The following ELAVL2 variants were observed in gnomAD, a reference collection of about 807,000 sequenced individuals.
The protein encoded by ELAVL2 is ELAV like RNA binding protein 2.
In ELAVL2, 4 loss-of-function variants were observed where a neutral mutation model predicts 34.6. The ratio of observed to expected loss-of-function variants is 0.12; its 90% confidence interval spans 0.06 to 0.26. ELAVL2 has a LOEUF of 0.26. ELAVL2 is among the 10% of genes least tolerant of loss of function. The pLI, the probability that ELAVL2 is intolerant of heterozygous loss-of-function variation, is 1.00. For missense variants in ELAVL2, 432 were observed against 442.8 expected, an observed-to-expected ratio of 0.98 and a Z score of 0.22; for synonymous variants, 193 against 154.8, an observed-to-expected ratio of 1.25 and a Z score of -1.83.
the ELAVL2 span, among the ~76,000 whole-genome samples, chr9:23,844,155 C>T: frequency 2.0e-5 from 3 of 152,030 alleles, no homozygotes; most frequent in African/African-American, 4.8e-5. Context: ...GGCATATTAG[C>T]GATAGCTTCC....
chr9:23,703,501 A>G (rs2038195199), intron 4 of ELAVL2, among the ~76,000 whole-genome samples: 2 of 152,272 alleles, frequency 1.3e-5, no homozygotes, highest in African/African-American at 2.4e-5. Context: ...TCTGTAGGCT[A>G]TTCTCCCAGG....
At chr9:23,791,670 C>T (rs1421348908) in intron 1 of ELAVL2, among the ~76,000 whole-genome samples, 1 of 152,110 alleles carries the variant, frequency 6.6e-6, no homozygotes, top group South Asian at 2.1e-4. Context: ...GGAAGAGACA[C>T]CAATGATTTC....
At chr9:23,773,837 T>C (rs1451080987) in intron 1 of ELAVL2, among the ~76,000 whole-genome samples, 1 of 152,102 alleles carries the variant, frequency 6.6e-6, no homozygotes, top group African/African-American at 2.4e-5. Context: ...CTTTACAAAC[T>C]CTAAGGTGCC....
At chr9:23,753,244 T>G (rs907303816) in intron 2 of ELAVL2, among the ~76,000 whole-genome samples, 1 of 152,172 alleles carries the variant, frequency 6.6e-6, no homozygotes. Context: ...CAACGTTCAG[T>G]AGCAGCAGTG....
At chr9:23,737,016 C>A (rs1473698583) in intron 2 of ELAVL2, among the ~76,000 whole-genome samples, 1 of 152,164 alleles carries the variant, frequency 6.6e-6, no homozygotes, top group Admixed American at 6.5e-5. Context: ...CTTGCCCCAT[C>A]CCCAGTGCAC....
chr9:23,779,185 T>C, intron 1 of ELAVL2: 1 of 985,090 alleles, frequency 1.0e-6, no homozygotes, highest in South Asian at 4.7e-5. Flanking sequence ...ATTTTGGAGG[T>C]AAAACAGGAG....
intron 1 of ELAVL2, among the ~76,000 whole-genome samples, chr9:23,763,858 G>A (rs2055616372): frequency 1.3e-5 from 2 of 152,236 alleles, no homozygotes; most frequent in African/African-American, 2.4e-5. Flanking sequence ...TGTCAAAGAA[G>A]TGGGAATTTA....
the ELAVL2 span, among the ~76,000 whole-genome samples, chr9:23,850,300 C>T: frequency 6.8e-6 from 1 of 147,546 alleles, no homozygotes; most frequent in African/African-American, 2.5e-5. Context: ...GCCAGCTCAA[C>T]TGCAGGAGAG....
At chr9:23,734,594 G>A (rs746708826) in intron 2 of ELAVL2, among the ~76,000 whole-genome samples, 1 of 152,074 alleles carries the variant, frequency 6.6e-6, no homozygotes, top group African/African-American at 2.4e-5. Flanking sequence ...GAATAATAAC[G>A]TAACCAGGCA....
At chr9:23,807,270 T>C (rs1229288400) in intron 1 of ELAVL2, among the ~76,000 whole-genome samples, 3 of 152,190 alleles carry the variant, frequency 2.0e-5, no homozygotes, top group African/African-American at 7.2e-5. Flanking sequence ...CTGTACTGTT[T>C]AGGTCTGGTG....
At chr9:23,755,249 C>T (rs2053264304) in intron 2 of ELAVL2, among the ~76,000 whole-genome samples, 1 of 152,134 alleles carries the variant, frequency 6.6e-6, no homozygotes, top group African/African-American at 2.4e-5. Context: ...TGATAAAGAA[C>T]TGTACTGTAT....
intron 1 of ELAVL2, among the ~76,000 whole-genome samples, chr9:23,786,498 T>C (rs1328166702): frequency 6.6e-6 from 1 of 151,474 alleles, no homozygotes; most frequent in Non-Finnish European, 1.5e-5. Context: ...GGCGAGAGTC[T>C]CTTTCACACT....
intron 1 of ELAVL2, among the ~76,000 whole-genome samples, chr9:23,814,956 T>TA (rs78626421): frequency 0.14 from 21,215 of 152,006 alleles, 1,861 homozygotes; most frequent in Middle Eastern, 0.2. Context: ...GCCTAAAGAA[T>TA]AAAAAAAGTG....
Position 23,809,603 on chromosome 9 carries a change from A to T in ELAVL2, c.-16+16203T>A, listed in dbSNP as rs184128536. Among the ~76,000 whole-genome samples, 119 of 152,254 alleles carry T rather than the reference A, an allele frequency of 7.8e-4. 1 individual carries two copies. The East Asian group carries it at 0.021, about 27-fold the overall frequency. The stretch of plus-strand genomic sequence containing the variant: ...TACATATGCAAATAATTTTCAATTG[A>T]TTATCAGTCTCATGTACTATATTCT... On this transcript the variant is annotated intron_variant, in intron 1 of 6. Transcript: ENST00000397312.
chr9:23,763,152 C>A (rs1011774118), intron 1 of ELAVL2, among the ~76,000 whole-genome samples: 1 of 152,066 alleles, frequency 6.6e-6, no homozygotes, highest in African/African-American at 2.4e-5. Context: ...AAGGAATTCT[C>A]GTCTGAGCAC....
intron 2 of ELAVL2, among the ~76,000 whole-genome samples, chr9:23,749,832 A>T (rs1439614814): frequency 6.6e-6 from 1 of 152,042 alleles, no homozygotes; most frequent in African/African-American, 2.4e-5. Flanking sequence ...GTGTGGTGGG[A>T]TCTGGCCTGA....
At chr9:23,819,195 T>C (rs2064167301) in intron 1 of ELAVL2, among the ~76,000 whole-genome samples, 1 of 152,094 alleles carries the variant, frequency 6.6e-6, no homozygotes, top group African/African-American at 2.4e-5. Context: ...ATCAAAAGGT[T>C]GATTCAAGGA....
chr9:23,796,691 CGT>C (rs1479177564), intron 1 of ELAVL2, among the ~76,000 whole-genome samples: 57 of 152,286 alleles, frequency 3.7e-4, no homozygotes, highest in Admixed American at 3.2e-3. Flanking sequence ...CAAATCTATA[CGT>C]AGAGTTAGTT....
At chr9:23,752,643 C>A (rs185862981) in intron 2 of ELAVL2, among the ~76,000 whole-genome samples, 4 of 151,904 alleles carry the variant, frequency 2.6e-5, no homozygotes, top group Non-Finnish European at 5.9e-5. Flanking sequence ...TTAGTAGAGA[C>A]GGGGTTTCAC....
Sources: gnomAD v4.1 joint callset for allele counts (sites outside exome capture counted in the v4.1 genomes callset) on GRCh38, gnomAD v4.1.1 for gene constraint, MANE v1.5 for transcripts, NCBI Gene and HGNC (gene_info 2026-07-23, HGNC 2026-07-21) for gene names.